BRINP3: variants seen among roughly 807,000 people sequenced by gnomAD.
BRINP3 encodes BMP/retinoic acid-inducible neural-specific protein 3.
In BRINP3, 19 loss-of-function variants were observed where a neutral mutation model predicts 71.0. The ratio of observed to expected loss-of-function variants is 0.27; its 90% CI spans 0.19 to 0.39. BRINP3 has a LOEUF of 0.39. Among genes scored for constraint, BRINP3 ranks in the 10% least tolerant of loss-of-function variants. The pLI is 1.00. For synonymous variants in BRINP3, 380 were observed against 337.7 expected, an observed-to-expected ratio of 1.13 and a Z score of -1.37; for missense variants, 959 against 940.8, an observed-to-expected ratio of 1.02 and a Z score of -0.25.
intron 7 of BRINP3, 66 bp from the exon 8 acceptor site, chr1:190,099,200 T>C: frequency 6.8e-7 from 1 of 1,461,072 alleles, no homozygotes; most frequent in Admixed American, 2.2e-5. Context: ...CAGTAAACCG[T>C]AGCTCAGAAA....
At chr1:190,275,382 T>C (rs1356993260) in intron 3 of BRINP3, among the ~76,000 whole-genome samples, 1 of 151,608 alleles carries the variant, frequency 6.6e-6, no homozygotes, top group African/African-American at 2.4e-5. Context: ...TTAATGTGCA[T>C]ATAAATCACC....
chr1:190,339,493 G>A (rs996929423), intron 2 of BRINP3, among the ~76,000 whole-genome samples: 10 of 151,908 alleles, frequency 6.6e-5, no homozygotes, highest in African/African-American at 9.7e-5. Flanking sequence ...ATGCTTAAAT[G>A]TAATTGAAGG....
At chr1:190,449,833 A>G (rs1413350047) in intron 2 of BRINP3, among the ~76,000 whole-genome samples, 1 of 152,178 alleles carries the variant, frequency 6.6e-6, no homozygotes, top group African/African-American at 2.4e-5. Flanking sequence ...AACATTAATT[A>G]CACTAAAGTC....
intron 7 of BRINP3, among the ~76,000 whole-genome samples, chr1:190,156,370 G>C (rs1460670327): frequency 6.6e-6 from 1 of 151,846 alleles, no homozygotes; most frequent in Non-Finnish European, 1.5e-5. Context: ...ATAAAGGCAA[G>C]AAAAAAATAT....
intron 2 of BRINP3, among the ~76,000 whole-genome samples, chr1:190,336,428 T>A (rs1667288197): frequency 6.6e-6 from 1 of 152,016 alleles, no homozygotes; most frequent in Non-Finnish European, 1.5e-5. Context: ...GCCATATAGA[T>A]CTATGTTAAC....
intron 4 of BRINP3, among the ~76,000 whole-genome samples, chr1:190,251,011 G>A (rs1464583973): frequency 6.6e-6 from 1 of 151,776 alleles, no homozygotes; most frequent in Non-Finnish European, 1.5e-5. Flanking sequence ...GAGGCCAGGA[G>A]TTTGAGACCA....
chr1:190,223,137 T>C (rs1482170731), intron 6 of BRINP3, among the ~76,000 whole-genome samples: 3 of 151,844 alleles, frequency 2.0e-5, no homozygotes, highest in African/African-American at 7.2e-5. Flanking sequence ...TCCAAAAATT[T>C]GGAAGGAAGG....
At chr1:190,113,157 A>G (rs919622935) in intron 7 of BRINP3, among the ~76,000 whole-genome samples, 4 of 152,124 alleles carry the variant, frequency 2.6e-5, no homozygotes, top group Non-Finnish European at 5.9e-5. Flanking sequence ...AAAAAGCAAT[A>G]ATCAATTGAT....
chr1:190,465,691 G>A (rs943373059), intron 1 of BRINP3, among the ~76,000 whole-genome samples: 6 of 151,724 alleles, frequency 4.0e-5, no homozygotes, highest in African/African-American at 1.2e-4. Flanking sequence ...ACTTTTTCTT[G>A]TTGAGTTCAG....
chr1:190,183,947 G>C (rs1653272179), intron 6 of BRINP3, among the ~76,000 whole-genome samples: 1 of 152,062 alleles, frequency 6.6e-6, no homozygotes, highest in Non-Finnish European at 1.5e-5. Flanking sequence ...ATCTTGCTAG[G>C]TTGCCACTTT....
chr1:190,454,716 C>G lies in BRINP3; in HGVS notation c.175G>C (p.Glu59Gln), dbSNP rs1445110614. 1.2e-6 allele frequency: 2 copies of G among 1,614,080 alleles called. No homozygotes were observed. The highest frequency in any genetic ancestry group is 3.3e-5 in the Admixed American group (2 of 60,008). ...SDKGPFHRSQEYTDFVDRSRQ... is the reference protein window; with the variant it reads ...SDKGPFHRSQQYTDFVDRSRQ... ...CTTCTGTCCACAAAATCTGTGTATT[C>G]CTGTGAGCGATGGAAGGGTCCCTTA... The change falls in exon 2 of 8, where the codon GAA (glutamate) becomes CAA (glutamine). Residue 59 changes from glutamate (E) to glutamine (Q), a missense_variant. By Grantham distance (29) the Glu-to-Gln change is conservative (BLOSUM62 2). Transcript: ENST00000367462.
At chr1:190,126,205 C>A (rs1337131559) in intron 7 of BRINP3, among the ~76,000 whole-genome samples, 1 of 151,952 alleles carries the variant, frequency 6.6e-6, no homozygotes, top group Non-Finnish European at 1.5e-5. Flanking sequence ...GATAAAAATT[C>A]TTCCAACCTA....
chr1:190,416,816 G>A (rs917231171), intron 2 of BRINP3, among the ~76,000 whole-genome samples: 1 of 152,122 alleles, frequency 6.6e-6, no homozygotes, highest in Non-Finnish European at 1.5e-5. Flanking sequence ...GCTATTGACA[G>A]TATTACTCCA....
At chr1:190,425,822 C>T (rs1423002377) in intron 2 of BRINP3, among the ~76,000 whole-genome samples, 1 of 151,728 alleles carries the variant, frequency 6.6e-6, no homozygotes, top group African/African-American at 2.4e-5. Context: ...TTGTGCCTTT[C>T]TGAAAGGTAA....
At chr1:190,284,264 AT>A (rs1409026573) in intron 2 of BRINP3, among the ~76,000 whole-genome samples, 2 of 152,040 alleles carry the variant, frequency 1.3e-5, no homozygotes, top group African/African-American at 4.8e-5. Context: ...AAAACAAATT[AT>A]GTATCTTATG....
At chr1:190,163,530 G>A (rs1651207790) in intron 6 of BRINP3, among the ~76,000 whole-genome samples, 1 of 151,954 alleles carries the variant, frequency 6.6e-6, no homozygotes, top group Non-Finnish European at 1.5e-5. Context: ...CAATAATAAT[G>A]GGAATAAACA....
At chr1:190,267,908 T>C (rs12117477) in intron 3 of BRINP3, among the ~76,000 whole-genome samples, 58,333 of 151,868 alleles carry the variant, frequency 0.38, 12,576 homozygotes, top group Non-Finnish European at 0.49. Context: ...TTGATAATAC[T>C]GAAAATGTAA....
Position 190,250,837 on chromosome 1 carries a change from C to T in BRINP3, c.618+14028G>A, listed in dbSNP as rs79578517. On this transcript the variant is annotated intron_variant, in intron 4 of 7. Transcript: ENST00000367462. ...TATGGGTGGAAATACATAAATTCACCAGATAACTTAGCCTGTATCTCAGGT... is the reference window on the plus strand; with the variant it reads ...TATGGGTGGAAATACATAAATTCACTAGATAACTTAGCCTGTATCTCAGGT... 1.1e-4 allele frequency among the ~76,000 whole-genome samples: 16 copies of T among 152,038 alleles called. No homozygotes were observed. In the East Asian group the frequency reaches 2.1e-3, roughly 20 times the overall value.
At chr1:190,295,154 C>T (rs1189106137) in intron 2 of BRINP3, among the ~76,000 whole-genome samples, 1 of 152,022 alleles carries the variant, frequency 6.6e-6, no homozygotes, top group Non-Finnish European at 1.5e-5. Context: ...GACACTTATT[C>T]AAGGCCTGAG....
Sources: gnomAD v4.1 joint callset for allele counts (sites outside exome capture counted in the v4.1 genomes callset) on GRCh38, gnomAD v4.1.1 for gene constraint, MANE v1.5 for transcripts, NCBI Gene and HGNC (gene_info 2026-07-23, HGNC 2026-07-21) for gene names.